NAALADL2: variants seen among roughly 807,000 people sequenced by gnomAD.
NAALADL2 encodes the protein inactive N-acetylated-alpha-linked acidic dipeptidase-like protein 2.
NAALADL2 carries 76 observed loss-of-function variants against 87.2 expected under a neutral mutation model. That is an observed-to-expected ratio of 0.87 (90% CI 0.72 to 1.05). The LOEUF (loss-of-function observed/expected upper bound fraction) is 1.05. Among genes scored for constraint, NAALADL2 ranks in the 50% least tolerant of loss-of-function variants. NAALADL2 has a pLI of 0.00. For synonymous variants in NAALADL2, 354 were observed against 331.0 expected, an observed-to-expected ratio of 1.07 and a Z score of -0.75; for missense variants, 1,089 against 945.8, an observed-to-expected ratio of 1.15 and a Z score of -1.99.
At chr3:175,497,488 T>A (rs1313250458) in intron 9 of NAALADL2, among the ~76,000 whole-genome samples, 1 of 152,184 alleles carries the variant, frequency 6.6e-6, no homozygotes, top group East Asian at 1.9e-4. Flanking sequence ...ATCATTCATA[T>A]AAAATTTCAA....
At chr3:174,819,055 A>ATTTTTTTTTTTTTTTT (rs1443066755) in intron 3 of NAALADL2, among the ~76,000 whole-genome samples, 3 of 51,798 alleles carry the variant, frequency 5.8e-5, no homozygotes, top group Non-Finnish European at 8.5e-5. Flanking sequence ...TATACCATTT[A>ATTTTTTTTTTTTTTTT]TTCTTTTTTT....
At chr3:175,729,351 A>G (rs1231362328) in intron 11 of NAALADL2, among the ~76,000 whole-genome samples, 1 of 152,164 alleles carries the variant, frequency 6.6e-6, no homozygotes. Context: ...GGTGTCTTAT[A>G]GCATGTGTTA....
intron 9 of NAALADL2, 115 bp from the exon 10 acceptor site, chr3:175,575,926 A>C: frequency 1.2e-6 from 1 of 820,304 alleles, no homozygotes; most frequent in Non-Finnish European, 1.9e-6. Context: ...CATTTTTAAC[A>C]GTCTCCAGGG....
At chr3:174,992,378 G>T (rs1746860346) in intron 1 of NAALADL2, among the ~76,000 whole-genome samples, 3 of 152,002 alleles carry the variant, frequency 2.0e-5, no homozygotes, top group African/African-American at 7.2e-5. Flanking sequence ...TCTCAGGAAC[G>T]TTTTCTTGTC....
intron 8 of NAALADL2, among the ~76,000 whole-genome samples, chr3:175,471,376 G>A (rs989794731): frequency 1.1e-4 from 17 of 151,032 alleles, no homozygotes; most frequent in Non-Finnish European, 2.1e-4. Flanking sequence ...CCCAGCTACT[G>A]AGGCAGGAGA....
chr3:175,550,097 G>A (rs13072562), intron 9 of NAALADL2, among the ~76,000 whole-genome samples: 17 of 151,966 alleles, frequency 1.1e-4, no homozygotes, highest in South Asian at 2.1e-4. Context: ...TCACCTATAC[G>A]GTTTTAAATC....
intron 3 of NAALADL2, among the ~76,000 whole-genome samples, chr3:174,802,391 A>G (rs7609924): frequency 0.47 from 71,058 of 151,946 alleles, 16,909 homozygotes; most frequent in African/African-American, 0.54. Context: ...GAGAGGAAGT[A>G]AAAATTGCAT....
intron 1 of NAALADL2, among the ~76,000 whole-genome samples, chr3:174,979,126 A>G (rs1744759872): frequency 1.3e-5 from 2 of 151,976 alleles, no homozygotes; most frequent in African/African-American, 4.8e-5. Flanking sequence ...TTCTTAGTAA[A>G]TTGGTTTTGG....
At chr3:174,496,842 C>A (rs192108060) in intron 1 of NAALADL2, among the ~76,000 whole-genome samples, 1 of 152,240 alleles carries the variant, frequency 6.6e-6, no homozygotes, top group African/African-American at 2.4e-5. Flanking sequence ...AACACTCCAA[C>A]AAGTTAAACA....
chr3:175,379,985 TG>T (rs1475479687), intron 5 of NAALADL2, among the ~76,000 whole-genome samples: 1 of 151,766 alleles, frequency 6.6e-6, no homozygotes, highest in African/African-American at 2.4e-5. Context: ...CACTCATAGG[TG>T]GGAATTGAAC....
At chr3:175,795,402 G>A (rs116538992) in intron 13 of NAALADL2, among the ~76,000 whole-genome samples, 5,621 of 151,864 alleles carry the variant, frequency 0.037, 367 homozygotes, top group African/African-American at 0.13. Flanking sequence ...CAATGGGCGC[G>A]ATGGCTCATG....
chr3:174,680,552 A>C (rs1057214439), intron 2 of NAALADL2, among the ~76,000 whole-genome samples: 1 of 152,182 alleles, frequency 6.6e-6, no homozygotes, highest in Non-Finnish European at 1.5e-5. Context: ...TCTTGATTTT[A>C]TCCAAAGAAT....
intron 3 of NAALADL2, among the ~76,000 whole-genome samples, chr3:174,778,593 A>G (rs1171739168): frequency 6.6e-6 from 1 of 151,934 alleles, no homozygotes; most frequent in Non-Finnish European, 1.5e-5. Flanking sequence ...CCTGTCATCT[A>G]CATTGTGTAT....
intron 2 of NAALADL2, among the ~76,000 whole-genome samples, chr3:174,696,593 TAAAAA>T (rs62946360): frequency 1.4e-4 from 16 of 110,528 alleles, no homozygotes; most frequent in East Asian, 1.1e-3. Context: ...TGTAGTTATC[TAAAAA>T]AAAAAAAAAA....
At chr3:175,094,417 A>G (rs569887168) in intron 1 of NAALADL2, among the ~76,000 whole-genome samples, 2 of 151,984 alleles carry the variant, frequency 1.3e-5, no homozygotes, top group Admixed American at 6.6e-5. Flanking sequence ...ACTTTTTTCT[A>G]TCCTCTAGTA....
chr3:175,471,028 C>A (rs1460037236), intron 8 of NAALADL2, among the ~76,000 whole-genome samples: 5 of 152,014 alleles, frequency 3.3e-5, no homozygotes, highest in Admixed American at 3.3e-4. Flanking sequence ...GTAGTTAAAT[C>A]CATACTGTGT....
At position 174,678,981 on chromosome 3, in the gene NAALADL2, G is replaced by A. The variant is rs192117720; in HGVS notation, c.-114-58660G>A. ...ATAATATCTTTCTTTTTGTTCTGCA[G>A]ATAGTATCTTTCTTTTTGTTGTTAC... On this transcript the variant is annotated intron_variant, in intron 2 of 3. Transcript: ENST00000434257. Among the ~76,000 whole-genome samples, 13 of 152,208 alleles carry A rather than the reference G, an allele frequency of 8.5e-5. No homozygotes were observed. In the East Asian group the frequency reaches 1.4e-3, roughly 16 times the overall value.
intron 1 of NAALADL2, among the ~76,000 whole-genome samples, chr3:174,981,631 T>C (rs374406839): frequency 8.9e-4 from 136 of 152,324 alleles, no homozygotes; most frequent in Middle Eastern, 3.4e-3. Context: ...TTTAGGCTTT[T>C]AATAATGAAA....
chr3:175,183,604 T>C (rs7648439), intron 2 of NAALADL2, among the ~76,000 whole-genome samples: 127,502 of 151,882 alleles, frequency 0.84, 53,783 homozygotes, highest in East Asian at 0.91. Context: ...GTTTTTTGTC[T>C]TGCATTTGTT....
Sources: allele counts gnomAD v4.1 joint callset (sites outside exome capture counted in the v4.1 genomes callset), GRCh38; gene constraint gnomAD v4.1.1; transcripts MANE v1.5; gene names NCBI Gene and HGNC (gene_info 2026-07-23, HGNC 2026-07-21).